Variants in FDXR observed in about 807,000 individuals in gnomAD.
The protein encoded by FDXR is NADPH:adrenodoxin oxidoreductase, mitochondrial.
A neutral mutation model predicts 58.3 loss-of-function variants in FDXR; 38 were observed. That is an observed-to-expected ratio of 0.65 (90% CI 0.50 to 0.85). The LOEUF (loss-of-function observed/expected upper bound fraction) is 0.85, where lower values mean the gene tolerates loss of function less well. Among genes scored for constraint, FDXR ranks in the 40% least tolerant of loss-of-function variants. FDXR has a pLI of 0.00. For synonymous variants in FDXR, 275 were observed against 273.8 expected, an observed-to-expected ratio of 1.00 and a Z score of -0.04; for missense variants, 624 against 671.0, an observed-to-expected ratio of 0.93 and a Z score of 0.77.
intron 2 of FDXR, among the ~76,000 whole-genome samples, chr17:74,871,204 G>C (rs1334414771): frequency 2.0e-5 from 3 of 152,160 alleles, no homozygotes; most frequent in Non-Finnish European, 4.4e-5. Flanking sequence ...AGCATGCACG[G>C]GTCACTTTTC....
intron 2 of FDXR, chr17:74,868,370 G>A (rs2038264198): frequency 1.5e-6 from 1 of 667,410 alleles, no homozygotes; most frequent in Admixed American, 2.1e-5. Context: ...GGTTAAATGA[G>A]TAATCAGGCA....
rs1245207878 is a variant in FDXR at position 74,866,537 on chromosome 17, T to A, written c.302A>T (p.His101Leu). The A allele has an allele frequency of 6.2e-7, 1 of 1,613,650 alleles. No individual in the cohort carries two copies. Among genetic ancestry groups the A allele is most frequent in the South Asian group, 1.1e-5 (1 of 91,080 alleles). ...NVINTFTQTA[H>L]SGRCAFWGNV... ...GCCCCAGAAGGCACAGCGGCCAGAA[T>A]GGGCCGTCTGGGTAAATGTGTTGAT... Residue 101 changes from histidine (H) to leucine (L), a missense_variant, in exon 4 of 12, where the codon CAT (histidine) becomes CTT (leucine). His to Leu is a moderately conservative substitution (Grantham distance 99). Coordinates refer to ENST00000293195, the MANE Select transcript of FDXR (RefSeq NM_024417.5).
chr17:74,866,197 C>T lies in FDXR; in HGVS notation c.441G>A (p.Glu147=). The T allele has an allele frequency of 1.2e-6, 2 of 1,614,080 alleles. No homozygotes were observed. The highest frequency in any genetic ancestry group is 1.7e-6 in the Non-Finnish European group (2 of 1,180,020). ...DHRALEIPGE[E]LPGVCSARAF... ...CCCGGGCGGAGCACACACCTGGCAG[C>T]TCCTCACCAGGAATTTCCAGGGCCC... The change falls in exon 5 of 12, where the codon GAG becomes GAA. Residue 147 remains glutamate (E), a synonymous_variant. Coordinates refer to ENST00000293195, the MANE Select transcript of FDXR (RefSeq NM_024417.5).
Position 74,869,877 on chromosome 17 carries a change from C to T in FDXR, c.177+2159G>A, listed in dbSNP as rs1198444729. The stretch of plus-strand genomic sequence containing the variant: ...GGATGGCCTCACATGGAGCTGCCTT[C>T]GCTCAGATCCCAGTGCCATCCCTGC... On this transcript the variant is annotated intron_variant, in intron 2 of 11. Transcript: ENST00000293195. 2.3e-5 allele frequency: 10 copies of T among 428,902 alleles called. No individual in the cohort carries two copies. The East Asian group carries it at 4.4e-4, about 19-fold the overall frequency. 26.6% of individuals were successfully genotyped at this position (428,902 alleles called of 1,614,324 possible).
At chr17:74,866,307 G>A in intron 4 of FDXR, 63 bp from the exon 5 acceptor site, 1 of 1,571,958 alleles carries the variant, frequency 6.4e-7, no homozygotes, top group Non-Finnish European at 8.7e-7. Flanking sequence ...AGGCCGGGCA[G>A]CCCCCCAGGC....
rs765666148 is a variant in FDXR at position 74,864,035 on chromosome 17, C to T, written c.1035G>A (p.Thr345=). The change falls in exon 10 of 12, where the codon ACG becomes ACA. Residue 345 remains threonine, a synonymous_variant. Coordinates refer to ENST00000293195, the MANE Select transcript of FDXR (RefSeq NM_024417.5). The part of the protein sequence containing the change: ...GVDEATRAVP[T]GDMEDLPCGL... The stretch of plus-strand genomic sequence containing the variant: ...CACAAGGGAGGTCTTCCATGTCTCC[C>T]GTGGGCACTGCACGGGTGGCCTCAT... 18 of 1,614,006 alleles carry T rather than the reference C, an allele frequency of 1.1e-5. No homozygotes were observed. Among genetic ancestry groups the T allele is most frequent in the Non-Finnish European group, 1.4e-5 (16 of 1,180,030 alleles).
Position 74,864,530 on chromosome 17 carries a change from C to T in FDXR, c.752G>A (p.Arg251Gln), listed in dbSNP as rs747565176. The T allele has an allele frequency of 2.9e-5, 46 of 1,613,970 alleles. No individual in the cohort carries two copies. Among genetic ancestry groups the T allele is most frequent in the East Asian group, 8.9e-5 (4 of 44,878 alleles). ...LREMIQLPGA[R>Q]PILDPVDFLG... The stretch of plus-strand genomic sequence containing the variant: ...GAAATCCACAGGATCCAAAATGGGC[C>T]GGGCTCCCGGTAACTGAATCATCTC... Residue 251 changes from arginine to glutamine, a missense_variant, in exon 8 of 12, where the codon CGG becomes CAG. Transcript: ENST00000293195.
rs1295060706 is a variant in FDXR, at chr17:74,870,809, T to G, written c.177+1227A>C. Reference sequence around the variant, plus strand: ...ATGCACTGTCTCTCTTTTTTTTTTTTTTTTTTTTTTTGAGACAGGGTCTCA... The same window carrying G: ...ATGCACTGTCTCTCTTTTTTTTTTTGTTTTTTTTTTTGAGACAGGGTCTCA... On this transcript the variant is annotated intron_variant, in intron 2 of 11. Coordinates refer to ENST00000293195, the MANE Select transcript of FDXR (RefSeq NM_024417.5). 2.7e-5 allele frequency among the ~76,000 whole-genome samples: 4 copies of G among 146,006 alleles called. No individual in the cohort carries two copies. In the East Asian group the frequency reaches 8.1e-4, roughly 29 times the overall value.
At position 74,864,776 on chromosome 17, in the gene FDXR, G is replaced by A. The variant is rs1481473700; in HGVS notation, c.717+48C>T. 3 of 1,611,770 alleles carry A rather than the reference G, an allele frequency of 1.9e-6. No homozygotes were observed. In the East Asian group the frequency reaches 6.7e-5, roughly 36 times the overall value. On this transcript the variant is annotated intron_variant, in intron 7 of 11. Transcript: ENST00000293195. The stretch of plus-strand genomic sequence containing the variant: ...GCCCCACCCCAACCCCTTAAGGAGA[G>A]GCCCCCTCCACCTGGAACCCTGGCT...
Position 74,862,823 on chromosome 17 carries a change from G to A in FDXR, c.1470C>T (p.Gly490=), listed in dbSNP as rs2038013782. 2 of 1,609,574 alleles carry A rather than the reference G, an allele frequency of 1.2e-6. No individual in the cohort carries two copies. The highest frequency in any genetic ancestry group is 2.2e-5 in the East Asian group (1 of 44,870). ...GCCGGGGCTGGGGCTGGGCTCAGTG[G>A]CCCAGGAGGCGCAGCATCTCCTGAG... ...VDPQEMLRLL[G]H is the part of the protein sequence containing the mutation. The change falls in exon 12 of 12, where the codon GGC becomes GGT. Residue 490 remains glycine, a synonymous_variant. Transcript: ENST00000293195.
intron 2 of FDXR, chr17:74,868,556 T>C: frequency 6.5e-7 from 1 of 1,534,178 alleles, no homozygotes; most frequent in East Asian, 2.4e-5. Context: ...TCTCTGTCCT[T>C]ATCTTCCATT....
chr17:74,863,465 T>C (rs554343366), intron 10 of FDXR, among the ~76,000 whole-genome samples: 31 of 152,344 alleles, frequency 2.0e-4, no homozygotes, highest in African/African-American at 7.0e-4. Context: ...TCCCTGTAGA[T>C]GAGGGGATCC....
At chr17:74,865,964 C>G (rs565284724) in intron 5 of FDXR, 144 bp from the exon 6 acceptor site, 10 of 851,784 alleles carry the variant, frequency 1.2e-5, no homozygotes, top group African/African-American at 3.3e-5. Flanking sequence ...CCTCCTCCCC[C>G]ACCTGGACCC....
Position 74,862,593 on chromosome 17 carries a change from C to T in FDXR, c.*224G>A. 1.7e-6 allele frequency: 1 copy of T among 572,146 alleles called. No individual in the cohort carries two copies. Among genetic ancestry groups the T allele is most frequent in the Non-Finnish European group, 3.0e-6 (1 of 330,480 alleles). The allele number at this position is 572,146 out of a possible 1,614,324, so 35.4% of individuals were successfully genotyped here. ...ATGGGTAAGGGGTTAGATCGGCCCA[C>T]ACCTCCACCTGTCCCTAAGGTTACC... On this transcript the variant is annotated 3_prime_UTR_variant, in exon 12 of 12. Transcript: ENST00000293195.
chr17:74,866,560 G>T lies in FDXR; in HGVS notation c.279C>A (p.Ile93=). 6.2e-7 allele frequency: 1 copy of T among 1,613,568 alleles called. No individual in the cohort carries two copies. Among genetic ancestry groups the T allele is most frequent in the Non-Finnish European group, 8.5e-7 (1 of 1,180,014 alleles). The change falls in exon 4 of 12, where the codon ATC becomes ATA. Residue 93 remains isoleucine, a synonymous_variant. Transcript: ENST00000293195. Reference sequence around the variant, plus strand: ...AATGGGCCGTCTGGGTAAATGTGTTGATGACATTCTGCCAGGTCCCCCGGG... The same window carrying T: ...AATGGGCCGTCTGGGTAAATGTGTTTATGACATTCTGCCAGGTCCCCCGGG... ...APDHPEVKNV[I]NTFTQTAHSG...
intron 2 of FDXR, chr17:74,868,284 T>C (rs563297): frequency 0.79 from 458,933 of 578,866 alleles, 183,929 homozygotes; most frequent in African/African-American, 0.95. Context: ...GTCCCAGCTC[T>C]AGCACTAGCT....
intron 2 of FDXR, among the ~76,000 whole-genome samples, chr17:74,870,582 A>C (rs2038342126): frequency 1.8e-5 from 1 of 55,248 alleles, no homozygotes; most frequent in African/African-American, 1.3e-4. Flanking sequence ...CCAAAATGTC[A>C]GGATCAGCTA....
At position 74,865,017 on chromosome 17, in the gene FDXR, T is replaced by A; in HGVS notation, c.610-86A>T. On this transcript the variant is annotated intron_variant, in intron 6 of 11. Transcript: ENST00000293195. ...TTTGGTCATGTCCCCACCGTGGGCC[T>A]GGAGAAGGCTGGCGGCTCAAAATTG... The A allele has an allele frequency of 3.1e-6, 5 of 1,588,966 alleles. No individual in the cohort carries two copies. In the Middle Eastern group the frequency reaches 8.4e-4, roughly 267 times the overall value.
chr17:74,863,337 A>G (rs2038043687), intron 10 of FDXR, 91 bp from the exon 11 acceptor site: 1 of 1,247,742 alleles, frequency 8.0e-7, no homozygotes, highest in Non-Finnish European at 1.1e-6. Context: ...ACGTGCACGC[A>G]CACAGACACC....
Sources: allele counts gnomAD v4.1 joint callset (sites outside exome capture counted in the v4.1 genomes callset), GRCh38; gene constraint gnomAD v4.1.1; transcripts MANE v1.5; gene names NCBI Gene and HGNC (gene_info 2026-07-23, HGNC 2026-07-21).